The following MPP7 variants were observed in gnomAD, a reference collection of about 807,000 sequenced individuals.
The protein encoded by MPP7 is MAGUK p55 subfamily member 7.
In MPP7, 60 loss-of-function variants were observed where a neutral mutation model predicts 76.5. The observed-to-expected ratio is 0.78, with a 90% CI of 0.64 to 0.97. The LOEUF (loss-of-function observed/expected upper bound fraction) is 0.97. MPP7 is among the 50% of genes least tolerant of loss of function. The pLI is 0.00. For missense variants in MPP7, 641 were observed against 694.0 expected, an observed-to-expected ratio of 0.92 and a Z score of 0.86; for synonymous variants, 237 against 244.5, an observed-to-expected ratio of 0.97 and a Z score of 0.29.
At chr10:28,240,679 G>A (rs1224770470) in intron 1 of MPP7, among the ~76,000 whole-genome samples, 1 of 152,064 alleles carries the variant, frequency 6.6e-6, no homozygotes, top group Non-Finnish European at 1.5e-5. Context: ...AATTTTGAAA[G>A]CAACTTTGCT....
intron 11 of MPP7, among the ~76,000 whole-genome samples, chr10:28,116,482 G>C (rs7916852): frequency 6.6e-5 from 10 of 151,890 alleles, no homozygotes; most frequent in Non-Finnish European, 1.5e-4. Flanking sequence ...GCTACATCTT[G>C]TATATAATAA....
intron 2 of MPP7, among the ~76,000 whole-genome samples, chr10:28,316,255 G>A (rs867622594): frequency 4.0e-5 from 6 of 151,630 alleles, no homozygotes; most frequent in African/African-American, 1.5e-4. Flanking sequence ...TGGCCAACGT[G>A]GTGAAACCCC....
At chr10:28,326,860 G>C (rs1208218620) in intron 2 of MPP7, among the ~76,000 whole-genome samples, 1 of 152,180 alleles carries the variant, frequency 6.6e-6, no homozygotes, top group Non-Finnish European at 1.5e-5. Flanking sequence ...CTGCTGCACT[G>C]ATATTCTATT....
chr10:28,332,418 G>A (rs1218045117), intron 1 of MPP7, among the ~76,000 whole-genome samples: 12 of 151,972 alleles, frequency 7.9e-5, no homozygotes, highest in Admixed American at 7.2e-4. Context: ...TCAAAGCATG[G>A]GAGTTTTAAA....
chr10:28,105,339 G>T (rs774573724), intron 11 of MPP7, among the ~76,000 whole-genome samples: 2 of 151,960 alleles, frequency 1.3e-5, no homozygotes, highest in African/African-American at 2.4e-5. Context: ...TGAAAATATG[G>T]ATACAAAGAA....
chr10:28,270,532 A>AGGGGGG (rs71391026), intron 1 of MPP7, among the ~76,000 whole-genome samples: 6 of 15,506 alleles, frequency 3.9e-4, no homozygotes, highest in South Asian at 2.2e-3. Context: ...AAAAAAAAAA[A>AGGGGGG]GGGGGGGGGG....
At chr10:28,281,078 T>C (rs1473672555) in intron 1 of MPP7, among the ~76,000 whole-genome samples, 1 of 151,940 alleles carries the variant, frequency 6.6e-6, no homozygotes, top group Non-Finnish European at 1.5e-5. Context: ...ATTTCTTCTT[T>C]TTTTTTCTTT....
At chr10:28,078,945 T>C (rs1190546013) in intron 12 of MPP7, among the ~76,000 whole-genome samples, 3 of 152,230 alleles carry the variant, frequency 2.0e-5, no homozygotes, top group Non-Finnish European at 4.4e-5. Context: ...CACTGTTAAC[T>C]ACATGCAAAG....
At chr10:28,257,904 G>A (rs993009072) in intron 1 of MPP7, among the ~76,000 whole-genome samples, 1 of 151,946 alleles carries the variant, frequency 6.6e-6, no homozygotes, top group Non-Finnish European at 1.5e-5. Flanking sequence ...TTTGTTTAAT[G>A]GGGGGCTCTG....
chr10:28,225,255 T>C (rs1444494312), intron 2 of MPP7, among the ~76,000 whole-genome samples: 1 of 152,188 alleles, frequency 6.6e-6, no homozygotes, highest in African/African-American at 2.4e-5. Flanking sequence ...TTTCATGACC[T>C]TGTATTTGAT....
At chr10:28,066,907 A>C (rs547850733) in intron 13 of MPP7, among the ~76,000 whole-genome samples, 1 of 152,286 alleles carries the variant, frequency 6.6e-6, no homozygotes, top group South Asian at 2.1e-4. Context: ...CTTTGTATGC[A>C]TATACTATAC....
chr10:28,161,431 T>C (rs1024354496), intron 3 of MPP7, among the ~76,000 whole-genome samples: 2 of 148,988 alleles, frequency 1.3e-5, no homozygotes, highest in African/African-American at 2.5e-5. Flanking sequence ...TTTTTCTTCC[T>C]ATGAAAAACA....
chr10:28,232,392 AATTG>A (rs1838918580), intron 2 of MPP7, among the ~76,000 whole-genome samples: 2 of 132,422 alleles, frequency 1.5e-5, no homozygotes, highest in South Asian at 2.5e-4. Flanking sequence ...CACACACACA[AATTG>A]ATTGGTAACG....
At chr10:28,298,190 T>C (rs926219793) in intron 1 of MPP7, among the ~76,000 whole-genome samples, 24 of 152,240 alleles carry the variant, frequency 1.6e-4, no homozygotes, top group African/African-American at 5.5e-4. Context: ...ATGCCCTTAA[T>C]GGCATCTAGA....
At chr10:28,098,145 A>G (rs1344933098) in intron 11 of MPP7, among the ~76,000 whole-genome samples, 1 of 152,124 alleles carries the variant, frequency 6.6e-6, no homozygotes, top group Non-Finnish European at 1.5e-5. Flanking sequence ...TATAATTTCA[A>G]ATGTTAGCAA....
intron 2 of MPP7, among the ~76,000 whole-genome samples, chr10:28,227,284 C>T (rs923943608): frequency 1.3e-5 from 2 of 152,202 alleles, no homozygotes; most frequent in African/African-American, 4.8e-5. Context: ...AGGTCAACTA[C>T]ATGGATAACG....
intron 5 of MPP7, among the ~76,000 whole-genome samples, chr10:28,140,182 T>A (rs1835469397): frequency 6.6e-6 from 1 of 152,134 alleles, no homozygotes; most frequent in Non-Finnish European, 1.5e-5. Flanking sequence ...GCGTGACAGC[T>A]AAGGAGCCCA....
chr10:28,290,267 T>A (rs1346510858), intron 1 of MPP7, among the ~76,000 whole-genome samples: 1 of 151,226 alleles, frequency 6.6e-6, no homozygotes, highest in Non-Finnish European at 1.5e-5. Context: ...CACTCACGAA[T>A]TACAGTCTTT....
At chr10:28,079,814 CAT>C (rs1393680471) in intron 12 of MPP7, among the ~76,000 whole-genome samples, 20 of 152,140 alleles carry the variant, frequency 1.3e-4, no homozygotes, top group Admixed American at 1.2e-3. Flanking sequence ...AAATGTGGCA[CAT>C]GTGTATATTT....
Sources: gnomAD v4.1 joint callset for allele counts (sites outside exome capture counted in the v4.1 genomes callset) on GRCh38, gnomAD v4.1.1 for gene constraint, MANE v1.5 for transcripts, NCBI Gene and HGNC (gene_info 2026-07-23, HGNC 2026-07-21) for gene names.